CHST11: variants seen among roughly 807,000 people sequenced by gnomAD.
CHST11 encodes carbohydrate sulfotransferase 11.
CHST11 carries 9 observed loss-of-function variants against 30.4 expected under a neutral mutation model. That is an observed-to-expected ratio of 0.30 (90% confidence interval 0.18 to 0.52). The LOEUF is 0.52. CHST11 is among the 20% of genes least tolerant of loss of function. CHST11 has a pLI of 0.97. For missense variants in CHST11, 348 were observed against 460.6 expected, an observed-to-expected ratio of 0.76 and a Z score of 2.24; for synonymous variants, 152 against 187.8, an observed-to-expected ratio of 0.81 and a Z score of 1.56.
chr12:104,617,381 C>A (rs1328730358), intron 2 of CHST11, among the ~76,000 whole-genome samples: 1 of 152,166 alleles, frequency 6.6e-6, no homozygotes, highest in African/African-American at 2.4e-5. Flanking sequence ...ACCTTCACTC[C>A]AGCATTTTCC....
intron 1 of CHST11, among the ~76,000 whole-genome samples, chr12:104,570,000 C>G (rs1002550512): frequency 6.6e-6 from 1 of 152,168 alleles, no homozygotes; most frequent in Admixed American, 6.5e-5. Flanking sequence ...CTGATAGAAA[C>G]AGTTAGTGGT....
chr12:104,537,721 G>C (rs1162135122), intron 1 of CHST11, among the ~76,000 whole-genome samples: 2 of 86,286 alleles, frequency 2.3e-5, no homozygotes, highest in African/African-American at 8.0e-5. Context: ...TTGGAGACAG[G>C]GTCTCACTCT....
intron 2 of CHST11, among the ~76,000 whole-genome samples, chr12:104,721,453 A>G (rs774360699): frequency 3.3e-5 from 5 of 152,156 alleles, no homozygotes; most frequent in Admixed American, 6.5e-5. Flanking sequence ...CGGTTCATGT[A>G]TCTCTGTGCC....
At chr12:104,457,677 A>G in intron 1 of CHST11, 148 bp downstream of exon 1, 1 of 681,768 alleles carries the variant, frequency 1.5e-6, no homozygotes, top group East Asian at 2.5e-5. Context: ...CTGGCTGCCC[A>G]GATCTACCCG....
intron 2 of CHST11, among the ~76,000 whole-genome samples, chr12:104,703,873 C>A (rs1176499348): frequency 1.3e-5 from 2 of 152,270 alleles, no homozygotes; most frequent in Non-Finnish European, 2.9e-5. Flanking sequence ...CAAAAAATCA[C>A]TTATCATCGA....
At chr12:104,750,571 G>A (rs970409653) in intron 2 of CHST11, among the ~76,000 whole-genome samples, 1 of 150,758 alleles carries the variant, frequency 6.6e-6, no homozygotes, top group African/African-American at 2.4e-5. Flanking sequence ...AGCCTCCCCA[G>A]TAGCTGGGAG....
intron 2 of CHST11, among the ~76,000 whole-genome samples, chr12:104,701,634 G>A (rs1043566717): frequency 1.3e-5 from 2 of 152,186 alleles, no homozygotes; most frequent in African/African-American, 2.4e-5. Context: ...ATCCCTCCAG[G>A]TGAGACTTTA....
chr12:104,708,040 A>C (rs2040051890), intron 2 of CHST11, among the ~76,000 whole-genome samples: 1 of 152,214 alleles, frequency 6.6e-6, no homozygotes, highest in South Asian at 2.1e-4. Flanking sequence ...ATGTCCATAC[A>C]CAATCATCCT....
chr12:104,471,375 T>C (rs1789055870), intron 1 of CHST11, among the ~76,000 whole-genome samples: 1 of 152,134 alleles, frequency 6.6e-6, no homozygotes, highest in Admixed American at 6.5e-5. Context: ...GGATAGCGGG[T>C]ATGGAATTTT....
chr12:104,505,946 A>G (rs188912230), intron 1 of CHST11, among the ~76,000 whole-genome samples: 4 of 152,334 alleles, frequency 2.6e-5, no homozygotes, highest in Admixed American at 2.0e-4. Flanking sequence ...TTTTACTCCT[A>G]AGTCACCACA....
chr12:104,740,473 G>T (rs1227966592), intron 2 of CHST11, among the ~76,000 whole-genome samples: 3 of 152,136 alleles, frequency 2.0e-5, no homozygotes, highest in Non-Finnish European at 4.4e-5. Flanking sequence ...TTTTTGCTCT[G>T]CTGTCCAGCA....
chr12:104,555,762 T>C (rs1178321481), intron 1 of CHST11, among the ~76,000 whole-genome samples: 1 of 152,270 alleles, frequency 6.6e-6, no homozygotes, highest in Non-Finnish European at 1.5e-5. Context: ...TGGAGCCAAC[T>C]CTAGGCTCCA....
At chr12:104,527,197 C>A (rs968019059) in intron 1 of CHST11, among the ~76,000 whole-genome samples, 1 of 152,324 alleles carries the variant, frequency 6.6e-6, no homozygotes, top group South Asian at 2.1e-4. Flanking sequence ...TCCAGTCTGA[C>A]TGATGGGCAC....
chr12:104,551,165 G>A (rs966625380), intron 1 of CHST11, among the ~76,000 whole-genome samples: 1 of 152,180 alleles, frequency 6.6e-6, no homozygotes, highest in South Asian at 2.1e-4. Flanking sequence ...ATTAAGAAAG[G>A]AAAGCAGTTT....
chr12:104,610,753 C>G (rs1042134683), intron 2 of CHST11, among the ~76,000 whole-genome samples: 2 of 152,150 alleles, frequency 1.3e-5, no homozygotes, highest in Non-Finnish European at 2.9e-5. Flanking sequence ...TCTTCCTTTC[C>G]CAGTGGAGTC....
intron 2 of CHST11, among the ~76,000 whole-genome samples, chr12:104,664,062 A>T (rs1233526116): frequency 6.6e-6 from 1 of 152,180 alleles, no homozygotes; most frequent in Non-Finnish European, 1.5e-5. Context: ...GGAGTTGATT[A>T]CTTCCAGCGA....
At chr12:104,674,507 T>G (rs2039722805) in intron 2 of CHST11, among the ~76,000 whole-genome samples, 1 of 152,190 alleles carries the variant, frequency 6.6e-6, no homozygotes, top group Non-Finnish European at 1.5e-5. Context: ...TCACCCAGTT[T>G]ATAAGTGGTG....
intron 2 of CHST11, among the ~76,000 whole-genome samples, chr12:104,735,374 G>A (rs2040291888): frequency 6.6e-6 from 1 of 152,184 alleles, no homozygotes; most frequent in African/African-American, 2.4e-5. Context: ...TCTTCTGGTG[G>A]TGCTGGTGGC....
intron 2 of CHST11, among the ~76,000 whole-genome samples, chr12:104,666,523 C>T (rs1382679806): frequency 2.0e-5 from 3 of 152,102 alleles, no homozygotes; most frequent in East Asian, 1.9e-4. Flanking sequence ...TTTTGCAACT[C>T]GTTTGCCTCT....
Sources: allele counts gnomAD v4.1 joint callset (sites outside exome capture counted in the v4.1 genomes callset), GRCh38; gene constraint gnomAD v4.1.1; transcripts MANE v1.5; gene names NCBI Gene and HGNC (gene_info 2026-07-23, HGNC 2026-07-21).